The following PAFAH2 variants were observed in gnomAD, a reference collection of about 807,000 sequenced individuals.
The protein encoded by PAFAH2 is platelet activating factor acetylhydrolase 2.
In PAFAH2, 42 loss-of-function variants were observed where a neutral mutation model predicts 49.0. The observed-to-expected ratio is 0.86, with a 90% CI of 0.67 to 1.11. The LOEUF (loss-of-function observed/expected upper bound fraction) is 1.11. PAFAH2 is among the 50% of genes least tolerant of loss of function. The pLI is 0.00. For synonymous variants in PAFAH2, 184 were observed against 181.3 expected (o/e 1.01, Z -0.12); for missense variants, 503 against 501.8 (o/e 1.00, Z -0.02).
At chr1:25,986,876 A>G (rs550844761) in intron 4 of PAFAH2, among the ~76,000 whole-genome samples, 3 of 152,164 alleles carry the variant, frequency 2.0e-5, no homozygotes, top group East Asian at 3.9e-4. Context: ...CACTCAACAA[A>G]TATTTATTGA....
At position 25,983,962 on chromosome 1, in the gene PAFAH2, T is replaced by A; in HGVS notation, c.536A>T (p.His179Leu). ...CAAACTTACCTGGGGATTCCGAACA[T>A]GAAATTCCTTCTCCCCTTCCTCAAC... is the stretch of plus-strand genomic sequence containing the variant. Reference protein sequence around the residue: ...RRVEEGEKEFHVRNPQVHQRV... With the variant: ...RRVEEGEKEFLVRNPQVHQRV... Residue 179 changes from histidine (H) to leucine (L), a missense_variant, in exon 6 of 11, where the codon CAT becomes CTT. By Grantham distance (99) the His-to-Leu change is moderately conservative (BLOSUM62 -3). Coordinates refer to ENST00000374282, the MANE Select transcript of PAFAH2 (RefSeq NM_000437.4). 1 of 1,614,044 alleles carries A rather than the reference T, an allele frequency of 6.2e-7. No individual in the cohort carries two copies. The highest frequency in any genetic ancestry group is 8.5e-7 in the Non-Finnish European group (1 of 1,179,940).
intron 8 of PAFAH2, among the ~76,000 whole-genome samples, chr1:25,975,426 T>TA (rs1432051477): frequency 4.0e-5 from 6 of 151,410 alleles, no homozygotes; most frequent in African/African-American, 1.5e-4. Flanking sequence ...AAAAAAAAAT[T>TA]AAAAAATTAG....
chr1:25,970,230 G>A (rs2049486919), intron 10 of PAFAH2, among the ~76,000 whole-genome samples: 1 of 152,160 alleles, frequency 6.6e-6, no homozygotes, highest in African/African-American at 2.4e-5. Flanking sequence ...ACTTTGGGAG[G>A]CCGAGGCAGG....
intron 10 of PAFAH2, 76 bp downstream of exon 10, chr1:25,972,482 G>GA: frequency 6.9e-7 from 1 of 1,454,598 alleles, no homozygotes; most frequent in South Asian, 1.2e-5. Flanking sequence ...TCCCAGACAT[G>GA]TCAGAGTTCT....
rs528460871 is a variant in PAFAH2, at chr1:25,982,286, A to G, written c.666+78T>C. The G allele has an allele frequency of 2.9e-6, 3 of 1,025,734 alleles. No individual in the cohort carries two copies. In the Admixed American group the frequency reaches 5.4e-5, roughly 18 times the overall value. 63.5% of individuals were successfully genotyped at this position (1,025,734 alleles called of 1,614,324 possible). ...AATCAATTCTCTTTTGGTTCATACC[A>G]GTTAGTTAGGTTTCTGTTACTTGTA... On this transcript the variant is annotated intron_variant, in intron 7 of 10. Transcript: ENST00000374282.
At chr1:25,993,728 C>T (rs2049904239) in intron 1 of PAFAH2, among the ~76,000 whole-genome samples, 1 of 152,106 alleles carries the variant, frequency 6.6e-6, no homozygotes, top group Non-Finnish European at 1.5e-5. Flanking sequence ...CCTGACCTTT[C>T]CCCATCGCTT....
chr1:25,981,131 A>G (rs2049682117), intron 7 of PAFAH2, among the ~76,000 whole-genome samples: 1 of 152,176 alleles, frequency 6.6e-6, no homozygotes, highest in African/African-American at 2.4e-5. Context: ...ATACAAAAAT[A>G]TTAATTGGCA....
intron 9 of PAFAH2, among the ~76,000 whole-genome samples, 161 bp downstream of exon 9, chr1:25,974,319 G>C (rs973468647): frequency 3.9e-5 from 6 of 152,164 alleles, no homozygotes; most frequent in Admixed American, 2.6e-4. Context: ...GGAGAAGAAG[G>C]ACAGACAGAA....
At chr1:25,984,119 G>C in intron 5 of PAFAH2, 32 bp from the exon 6 acceptor site, 1 of 1,612,452 alleles carries the variant, frequency 6.2e-7, no homozygotes, top group Non-Finnish European at 8.5e-7. Flanking sequence ...AGAGAAACCA[G>C]AAAACATTCT....
intron 10 of PAFAH2, among the ~76,000 whole-genome samples, chr1:25,969,853 G>C (rs1384105201): frequency 6.6e-6 from 1 of 152,104 alleles, no homozygotes; most frequent in Non-Finnish European, 1.5e-5. Flanking sequence ...GGGGACAGGG[G>C]AAGGGGGCTG....
intron 10 of PAFAH2, among the ~76,000 whole-genome samples, chr1:25,965,969 C>A (rs773683580): frequency 6.7e-6 from 1 of 148,938 alleles, no homozygotes; most frequent in East Asian, 2.0e-4. Flanking sequence ...CATGAATAGA[C>A]ATTTTTTTCA....
At position 25,982,419 on chromosome 1, in the gene PAFAH2, G is replaced by A; in HGVS notation, c.611C>T (p.Ala204Val). ...CAAGATGTTGAAGACAGTCTGCCCA[G>A]CAGTGACCTCTTGCAGGATCTTCAA... ...RVLKILQEVT[A>V]GQTVFNILPG... is the part of the protein sequence containing the mutation. Residue 204 changes from alanine to valine, a missense_variant, in exon 7 of 11, where the codon GCT becomes GTT. Coordinates refer to ENST00000374282, the MANE Select transcript of PAFAH2 (RefSeq NM_000437.4). The A allele has an allele frequency of 6.2e-7, 1 of 1,614,130 alleles. No individual in the cohort carries two copies. The highest frequency in any genetic ancestry group is 8.5e-7 in the Non-Finnish European group (1 of 1,180,018).
In PAFAH2 at chr1:25,972,613, A is replaced by G. The variant is rs776455841; in HGVS notation, c.1029T>C (p.Tyr343=). 2.5e-6 allele frequency: 4 copies of G among 1,613,944 alleles called. No homozygotes were observed. The Admixed American group carries it at 6.7e-5, about 27-fold the overall frequency. Residue 343 remains tyrosine, a synonymous_variant, in exon 10 of 11, where the codon TAT becomes TAC. Transcript: ENST00000374282. ...STETRGSLDP[Y]EGQEVMVRAM... The stretch of plus-strand genomic sequence containing the variant: ...CCCGTACCATAACCTCCTGCCCTTC[A>G]TAGGGGTCCAGGCTCCCACGGGTTT...
intron 10 of PAFAH2, among the ~76,000 whole-genome samples, chr1:25,963,400 A>G (rs957617030): frequency 2.6e-5 from 4 of 152,220 alleles, no homozygotes; most frequent in African/African-American, 4.8e-5. Flanking sequence ...ATAGGATGTG[A>G]AAAGGGGAGA....
At chr1:25,967,085 G>A (rs1222934391) in intron 10 of PAFAH2, among the ~76,000 whole-genome samples, 1 of 150,936 alleles carries the variant, frequency 6.6e-6, no homozygotes, top group Non-Finnish European at 1.5e-5. Context: ...GGGTGGTAGT[G>A]AGGAGACCAG....
chr1:25,973,040 G>A (rs1299668248), intron 9 of PAFAH2, among the ~76,000 whole-genome samples: 2 of 152,176 alleles, frequency 1.3e-5, no homozygotes, highest in Non-Finnish European at 2.9e-5. Context: ...GCAAGGAGGT[G>A]GGATCTGTGG....
intron 3 of PAFAH2, 103 bp downstream of exon 3, chr1:25,989,345 A>G: frequency 8.9e-7 from 1 of 1,127,932 alleles, no homozygotes. Context: ...CCCTTACAAA[A>G]GCCTGGACAC....
chr1:25,973,151 C>T (rs1233350491), intron 9 of PAFAH2, among the ~76,000 whole-genome samples: 1 of 152,054 alleles, frequency 6.6e-6, no homozygotes, highest in East Asian at 1.9e-4. Flanking sequence ...CAGAACTGTA[C>T]CACAGAGTGA....
At chr1:25,974,835 A>G (rs190544312) in intron 8 of PAFAH2, among the ~76,000 whole-genome samples, 185 bp from the exon 9 acceptor site, 4 of 152,124 alleles carry the variant, frequency 2.6e-5, no homozygotes, top group Non-Finnish European at 4.4e-5. Flanking sequence ...CTTTTCACCA[A>G]AGATCCTTCT....
Sources: gnomAD v4.1 joint callset for allele counts (sites outside exome capture counted in the v4.1 genomes callset) on GRCh38, gnomAD v4.1.1 for gene constraint, MANE v1.5 for transcripts, NCBI Gene and HGNC (gene_info 2026-07-23, HGNC 2026-07-21) for gene names.